Variants in SVIP observed in about 807,000 individuals in gnomAD.
SVIP encodes the protein small VCP/p97-interacting protein.
Under a neutral mutation model 12.9 loss-of-function variants are expected in SVIP, and 14 were observed. The observed-to-expected ratio is 1.08, with a 90% CI of 0.72 to 1.70. The LOEUF (loss-of-function observed/expected upper bound fraction) is 1.70. SVIP is among the 40% of genes most tolerant of loss of function. The pLI is 0.00. For missense variants in SVIP, 93 were observed against 90.8 expected, an observed-to-expected ratio of 1.02 and a Z score of -0.10; for synonymous variants, 35 against 33.3, an observed-to-expected ratio of 1.05 and a Z score of -0.17.
In SVIP at chr11:22,823,087, T is replaced by C; in HGVS notation, c.*32A>G. On this transcript the variant is annotated 3_prime_UTR_variant, in exon 4 of 4. Coordinates refer to ENST00000354193, the MANE Select transcript of SVIP (RefSeq NM_148893.3). ...CTTGATTGCAGATAATAAACAGTTATTGGCAGTAGATTCTTCTACTCATGT... is the reference window on the plus strand; with the variant it reads ...CTTGATTGCAGATAATAAACAGTTACTGGCAGTAGATTCTTCTACTCATGT... The C allele has an allele frequency of 1.3e-6, 2 of 1,567,172 alleles. No homozygotes were observed. Among genetic ancestry groups the C allele is most frequent in the Non-Finnish European group, 1.7e-6 (2 of 1,154,102 alleles).
At chr11:22,824,474 GTA>G (rs200020697) in intron 3 of SVIP, among the ~76,000 whole-genome samples, 87 of 138,248 alleles carry the variant, frequency 6.3e-4, no homozygotes, top group Admixed American at 9.9e-4. Context: ...ATATATATAC[GTA>G]TATATATATG....
At chr11:22,829,413 T>C (rs1857860024) in intron 1 of SVIP, 8 of 366,322 alleles carry the variant, frequency 2.2e-5, no homozygotes, top group Admixed American at 4.7e-5. Context: ...CGGCGCCCTA[T>C]GAAGATCCGG....
chr11:22,824,498 GTATA>G lies in SVIP; in HGVS notation c.220-1369_220-1366del, dbSNP rs34755709. ...CGTATATATATATGTATATATATAC[GTATA>G]TATATACACACATATATATATAAAA... On this transcript the variant is annotated intron_variant, in intron 3 of 3. Coordinates refer to ENST00000354193, the MANE Select transcript of SVIP (RefSeq NM_148893.3). Among the ~76,000 whole-genome samples, 676 of 138,738 alleles carry G rather than the reference GTATA, an allele frequency of 4.9e-3. 3 individuals are homozygous for G. Among genetic ancestry groups the G allele is most frequent in the African/African-American group, 0.016 (616 of 38,326 alleles). The allele number at this position is 138,738 out of a possible 152,430, so 91.0% of individuals were successfully genotyped here.
At chr11:22,824,212 G>T (rs1857586668) in intron 3 of SVIP, among the ~76,000 whole-genome samples, 1 of 152,068 alleles carries the variant, frequency 6.6e-6, no homozygotes, top group African/African-American at 2.4e-5. Flanking sequence ...GTTTGAGCCA[G>T]GGAGTCAAGA....
In SVIP at chr11:22,823,208, G is replaced by A. The variant is rs139917896; in HGVS notation, c.220-75C>T. 177 of 1,055,546 alleles carry A rather than the reference G, an allele frequency of 1.7e-4. 2 individuals are homozygous for A. In the East Asian group the frequency reaches 4.2e-3, roughly 25 times the overall value. 65.4% of individuals were successfully genotyped at this position (1,055,546 alleles called of 1,614,324 possible). ...ATAACAGTACTTCAGTGAACAAACA[G>A]GTAAAAAGAGGAATATGGGACATAG... On this transcript the variant is annotated intron_variant, in intron 3 of 3. Transcript: ENST00000354193.
chr11:22,829,728 A>G lies in SVIP; in HGVS notation c.21T>C (p.Cys7=). The G allele has an allele frequency of 6.2e-7, 1 of 1,607,562 alleles. No individual in the cohort carries two copies. The highest frequency in any genetic ancestry group is 1.1e-5 in the South Asian group (1 of 89,716). Residue 7 remains cysteine (C), a synonymous_variant, in exon 1 of 4, where the codon TGT becomes TGC. Coordinates refer to ENST00000354193, the MANE Select transcript of SVIP (RefSeq NM_148893.3). MGLCFP[C]PGESAPPTPD... Reference sequence around the variant, plus strand: ...GCGTGGGAGGCGCGGACTCCCCGGGACAAGGAAAACACAGCCCCATAGGGA... The same window carrying G: ...GCGTGGGAGGCGCGGACTCCCCGGGGCAAGGAAAACACAGCCCCATAGGGA...
At chr11:22,826,263 C>T (rs940845026) in intron 3 of SVIP, among the ~76,000 whole-genome samples, 6 of 152,072 alleles carry the variant, frequency 3.9e-5, no homozygotes, top group African/African-American at 1.4e-4. Context: ...ATCAACTGCT[C>T]AGGGTGTTCA....
intron 1 of SVIP, 166 bp downstream of exon 1, chr11:22,829,529 G>T: frequency 1.6e-6 from 1 of 629,448 alleles, no homozygotes; most frequent in Non-Finnish European, 2.7e-6. Context: ...AGGTCGCTCT[G>T]ACAGGACCCA....
At chr11:22,827,064 C>T in intron 3 of SVIP, 143 bp downstream of exon 3, 1 of 615,342 alleles carries the variant, frequency 1.6e-6, no homozygotes, top group African/African-American at 1.9e-5. Context: ...ATTGGTATTA[C>T]TTCCAATATT....
At chr11:22,826,380 GAA>G (rs34041927) in intron 3 of SVIP, among the ~76,000 whole-genome samples, 1 of 151,702 alleles carries the variant, frequency 6.6e-6, no homozygotes, top group African/African-American at 2.4e-5. Context: ...AGTTTTGAGA[GAA>G]AAAAAACCAA....
At chr11:22,829,394 T>C (rs112020121) in intron 1 of SVIP, 33 of 335,488 alleles carry the variant, frequency 9.8e-5, no homozygotes, top group African/African-American at 4.9e-4. Flanking sequence ...TAACGCCCTC[T>C]GCGTGCGCCG....
intron 3 of SVIP, among the ~76,000 whole-genome samples, chr11:22,823,486 C>G (rs994238423): frequency 3.9e-5 from 6 of 152,038 alleles, no homozygotes; most frequent in African/African-American, 1.4e-4. Flanking sequence ...TGTTCCAGTC[C>G]CTCCCTAAAG....
rs755913368 is a variant in SVIP at position 22,829,686 on chromosome 11, T to A, written c.54+9A>T. The A allele has an allele frequency of 3.1e-6, 5 of 1,596,126 alleles. No homozygotes were observed. The highest frequency in any genetic ancestry group is 4.3e-6 in the Non-Finnish European group (5 of 1,172,460). ...CGGCCCGGCGGACGCAGGGACCTGC[T>A]CTACTCACCAGGTCCGGCGTGGGAG... On this transcript the variant is annotated intron_variant, in intron 1 of 3. Transcript: ENST00000354193.
intron 1 of SVIP, among the ~76,000 whole-genome samples, chr11:22,828,229 T>C (rs1057148986): frequency 2.0e-5 from 3 of 152,218 alleles, no homozygotes; most frequent in Non-Finnish European, 2.9e-5. Flanking sequence ...GAGTCTGAAG[T>C]AACCTGGTGT....
rs1202602159 is a variant in SVIP, at chr11:22,821,122, A to G, written c.*1997T>C. ...ATTATGTGTATATATATACACACAT[A>G]TATAATATATATATTATATATATAT... On this transcript the variant is annotated 3_prime_UTR_variant, in exon 4 of 4. Transcript: ENST00000354193. The G allele has an allele frequency of 1.4e-5, 2 of 147,390 alleles. No homozygotes were observed. The highest frequency in any genetic ancestry group is 2.5e-5 in the African/African-American group (1 of 40,436). 9.1% of individuals were successfully genotyped at this position (147,390 alleles called of 1,614,324 possible).
rs752487700 is a variant in SVIP, at chr11:22,827,802, A to T, written c.105+22T>A. 3.2e-6 allele frequency: 5 copies of T among 1,567,132 alleles called. No individual in the cohort carries two copies. In the African/African-American group the frequency reaches 6.8e-5, roughly 21 times the overall value. Reference sequence around the variant, plus strand: ...TCCAAACTCAATTATCTAAGTAGGCAAAACTTGATCTTTAATCTTACCTCT... The same window carrying T: ...TCCAAACTCAATTATCTAAGTAGGCTAAACTTGATCTTTAATCTTACCTCT... On this transcript the variant is annotated intron_variant, in intron 2 of 3. Coordinates refer to ENST00000354193, the MANE Select transcript of SVIP (RefSeq NM_148893.3).
rs1435193227 is a variant in SVIP at position 22,822,214 on chromosome 11, A to G, written c.*905T>C. On this transcript the variant is annotated 3_prime_UTR_variant, in exon 4 of 4. Coordinates refer to ENST00000354193, the MANE Select transcript of SVIP (RefSeq NM_148893.3). The stretch of plus-strand genomic sequence containing the variant: ...TATCTGAAGTAGACCTTTTGTAAGT[A>G]CAGTACCTACATGTTTTTTTCATAC... The G allele has an allele frequency of 6.6e-6, 1 of 152,204 alleles. No homozygotes were observed. Among genetic ancestry groups the G allele is most frequent in the Non-Finnish European group, 1.5e-5 (1 of 68,010 alleles). The allele number at this position is 152,204 out of a possible 1,614,324, so 9.4% of individuals were successfully genotyped here.
chr11:22,820,908 CA>C lies in SVIP; in HGVS notation c.*2210del, dbSNP rs377026550. ...TTCCAATTATAGTTTAGTAATAGGT[CA>C]GGGGTTTGAGCAACATTTTAAGCAT... On this transcript the variant is annotated 3_prime_UTR_variant, in exon 4 of 4. Transcript: ENST00000354193. 2.1e-3 allele frequency: 318 copies of C among 151,910 alleles called. 1 individual carries two copies. Among genetic ancestry groups the C allele is most frequent in the African/African-American group, 7.2e-3 (297 of 41,440 alleles). 9.4% of individuals were successfully genotyped at this position (151,910 alleles called of 1,614,324 possible).
Position 22,822,207 on chromosome 11 carries a change from T to G in SVIP, c.*912A>C, listed in dbSNP as rs1857511113. On this transcript the variant is annotated 3_prime_UTR_variant, in exon 4 of 4. Transcript: ENST00000354193. ...ATTTTTATATCTGAAGTAGACCTTT[T>G]GTAAGTACAGTACCTACATGTTTTT... 6.6e-6 allele frequency: 1 copy of G among 152,206 alleles called. No individual in the cohort carries two copies. Among genetic ancestry groups the G allele is most frequent in the African/African-American group, 2.4e-5 (1 of 41,474 alleles). The allele number at this position is 152,206 out of a possible 1,614,324, so 9.4% of individuals were successfully genotyped here.
Sources: gnomAD v4.1 joint callset for allele counts (sites outside exome capture counted in the v4.1 genomes callset) on GRCh38, gnomAD v4.1.1 for gene constraint, MANE v1.5 for transcripts, NCBI Gene and HGNC (gene_info 2026-07-23, HGNC 2026-07-21) for gene names.